The following CNTN4 variants were observed in gnomAD, a reference collection of about 807,000 sequenced individuals.
CNTN4 encodes contactin 4, also known as contactin-4.
A neutral mutation model predicts 122.5 loss-of-function variants in CNTN4; 77 were observed. The ratio of observed to expected loss-of-function variants is 0.63; its 90% CI spans 0.52 to 0.76. The LOEUF is 0.76. CNTN4 is among the 30% of genes least tolerant of loss of function. The pLI is 0.00. For missense variants in CNTN4, 1,256 were observed against 1,259.1 expected (o/e 1.00, Z 0.04); for synonymous variants, 512 against 447.0 (o/e 1.15, Z -1.83).
chr3:2,682,354 G>T (rs1051556692), intron 4 of CNTN4, among the ~76,000 whole-genome samples: 1 of 152,162 alleles, frequency 6.6e-6, no homozygotes, highest in Non-Finnish European at 1.5e-5. Flanking sequence ...CTAGGCTCTA[G>T]GTTACAATTG....
intron 4 of CNTN4, among the ~76,000 whole-genome samples, chr3:2,677,091 A>C (rs145485268): frequency 6.6e-6 from 1 of 151,846 alleles, no homozygotes. Flanking sequence ...ACTGGATTCT[A>C]TTCTCTCTCT....
chr3:2,628,209 C>T (rs528516657), intron 4 of CNTN4, among the ~76,000 whole-genome samples: 4 of 152,146 alleles, frequency 2.6e-5, no homozygotes, highest in Non-Finnish European at 5.9e-5. Context: ...GATCGGTACC[C>T]CTTTTAGCAG....
chr3:2,398,200 A>C (rs2046709673), intron 3 of CNTN4, among the ~76,000 whole-genome samples: 1 of 152,166 alleles, frequency 6.6e-6, no homozygotes, highest in South Asian at 2.1e-4. Flanking sequence ...AAAACTTTTA[A>C]GTATGCTTAA....
At chr3:2,550,674 A>G (rs2078461843) in intron 3 of CNTN4, among the ~76,000 whole-genome samples, 1 of 152,202 alleles carries the variant, frequency 6.6e-6, no homozygotes, top group South Asian at 2.1e-4. Flanking sequence ...AGCACTATTC[A>G]CAATAGCAAA....
chr3:2,827,325 A>C (rs1354307226), intron 7 of CNTN4, among the ~76,000 whole-genome samples: 2 of 152,194 alleles, frequency 1.3e-5, no homozygotes, highest in Non-Finnish European at 2.9e-5. Context: ...TTGTTCTGTA[A>C]ACTTTTCAAA....
intron 3 of CNTN4, among the ~76,000 whole-genome samples, chr3:2,513,520 C>T (rs2076951142): frequency 6.6e-6 from 1 of 151,566 alleles, no homozygotes; most frequent in Non-Finnish European, 1.5e-5. Flanking sequence ...GGGTCCCGAA[C>T]CCCTTTATTT....
intron 3 of CNTN4, among the ~76,000 whole-genome samples, chr3:2,368,235 T>TGG (rs2045488100): frequency 1.3e-5 from 2 of 151,552 alleles, no homozygotes; most frequent in Non-Finnish European, 3.0e-5. Context: ...GGTTTCACCA[T>TGG]GTTAGCCAGG....
chr3:2,380,179 C>G lies in CNTN4; in HGVS notation c.-89+40946C>G, dbSNP rs549835717. ...AAAAATGTCATTCTCTTTCCTCTAT[C>G]CATTGTGTTTTCACAGAAGTTAGGG... On this transcript the variant is annotated intron_variant, in intron 3 of 24. Transcript: ENST00000418658. Among the ~76,000 whole-genome samples, 4 of 152,190 alleles carry G rather than the reference C, an allele frequency of 2.6e-5. No individual in the cohort carries two copies. In the East Asian group the frequency reaches 5.8e-4, roughly 22 times the overall value.
chr3:2,606,559 C>T (rs1014150240), intron 4 of CNTN4, among the ~76,000 whole-genome samples: 2 of 152,166 alleles, frequency 1.3e-5, no homozygotes, highest in Admixed American at 6.5e-5. Flanking sequence ...ACTTTGACAA[C>T]GAAACCATTT....
intron 6 of CNTN4, among the ~76,000 whole-genome samples, chr3:2,789,113 C>T (rs1197748201): frequency 6.6e-6 from 1 of 152,054 alleles, no homozygotes; most frequent in Non-Finnish European, 1.5e-5. Flanking sequence ...GAAATGATCT[C>T]GGGAGCCCTA....
chr3:2,139,695 T>C (rs773326795), intron 2 of CNTN4, among the ~76,000 whole-genome samples: 2 of 152,158 alleles, frequency 1.3e-5, no homozygotes, highest in African/African-American at 4.8e-5. Context: ...GACTGCTTGG[T>C]TGGGGAGTGT....
chr3:2,121,462 C>T (rs1219644458), intron 2 of CNTN4, among the ~76,000 whole-genome samples: 14 of 149,094 alleles, frequency 9.4e-5, no homozygotes, highest in Non-Finnish European at 2.1e-4. Flanking sequence ...CACACCACTG[C>T]ACCCAGCCTG....
chr3:2,442,205 T>C (rs1413865632), intron 3 of CNTN4, among the ~76,000 whole-genome samples: 3 of 152,184 alleles, frequency 2.0e-5, no homozygotes, highest in Non-Finnish European at 4.4e-5. Flanking sequence ...TTTGGTCACA[T>C]TGTTTTTCTT....
intron 3 of CNTN4, among the ~76,000 whole-genome samples, chr3:2,416,285 A>G (rs151077518): frequency 0.01 from 1,532 of 152,300 alleles, 23 homozygotes; most frequent in African/African-American, 0.03. Flanking sequence ...GTCACTTTAC[A>G]TTAGCCCTAA....
chr3:2,632,740 A>C (rs2082499718), intron 4 of CNTN4, among the ~76,000 whole-genome samples: 1 of 152,150 alleles, frequency 6.6e-6, no homozygotes, highest in Non-Finnish European at 1.5e-5. Flanking sequence ...TGAACTCTGC[A>C]CTTAATAATT....
intron 12 of CNTN4, among the ~76,000 whole-genome samples, chr3:2,916,929 A>G (rs1299171552): frequency 6.8e-6 from 1 of 146,418 alleles, no homozygotes; most frequent in African/African-American, 2.5e-5. Flanking sequence ...CAGTCTCGGC[A>G]CTTTGGGAGG....
chr3:2,728,063 G>A (rs114920879), intron 4 of CNTN4, among the ~76,000 whole-genome samples: 1,686 of 152,272 alleles, frequency 0.011, 18 homozygotes, highest in African/African-American at 0.025. Context: ...TAAGGCCTTT[G>A]AACATGCCTT....
intron 2 of CNTN4, among the ~76,000 whole-genome samples, chr3:2,316,785 T>C (rs2043116202): frequency 6.6e-6 from 1 of 152,216 alleles, no homozygotes; most frequent in African/African-American, 2.4e-5. Context: ...CCGAGCTCTG[T>C]GGTTCTCGCC....
intron 4 of CNTN4, among the ~76,000 whole-genome samples, chr3:2,680,485 A>G (rs1008563972): frequency 4.6e-5 from 7 of 152,206 alleles, no homozygotes; most frequent in African/African-American, 1.7e-4. Flanking sequence ...AAATGGGTAG[A>G]CACTTTTGGC....
Sources: allele counts gnomAD v4.1 joint callset (sites outside exome capture counted in the v4.1 genomes callset), GRCh38; gene constraint gnomAD v4.1.1; transcripts MANE v1.5; gene names NCBI Gene and HGNC (gene_info 2026-07-23, HGNC 2026-07-21).